The following ADAMTS18 variants were observed in gnomAD, a reference collection of about 807,000 sequenced individuals.
The protein encoded by ADAMTS18 is A disintegrin and metalloproteinase with thrombospondin motifs 18.
ADAMTS18 carries 157 observed loss-of-function variants against 165.9 expected under a neutral mutation model. The ratio of observed to expected loss-of-function variants is 0.95; its 90% CI spans 0.83 to 1.08. The LOEUF (loss-of-function observed/expected upper bound fraction) is 1.08, where lower values mean the gene tolerates loss of function less well. ADAMTS18 is among the 50% of genes least tolerant of loss of function. ADAMTS18 has a pLI of 0.00. For synonymous variants in ADAMTS18, 782 were observed against 578.2 expected, an observed-to-expected ratio of 1.35 and a Z score of -5.06; for missense variants, 2,040 against 1,534.0, an observed-to-expected ratio of 1.33 and a Z score of -5.51.
intron 3 of ADAMTS18, among the ~76,000 whole-genome samples, chr16:77,406,963 A>G (rs2144820113): frequency 6.6e-6 from 1 of 152,204 alleles, no homozygotes; most frequent in South Asian, 2.1e-4. Flanking sequence ...GAGAAGAGAA[A>G]GGGCTGAAAA....
intron 7 of ADAMTS18, among the ~76,000 whole-genome samples, chr16:77,361,682 G>A (rs769181422): frequency 5.9e-5 from 9 of 152,264 alleles, no homozygotes; most frequent in Middle Eastern, 3.4e-3. Context: ...TCAGGAGTTC[G>A]AGACCAGCCT....
chr16:77,364,096 A>G, intron 5 of ADAMTS18, 92 bp downstream of exon 5: 1 of 1,516,424 alleles, frequency 6.6e-7, no homozygotes, highest in Non-Finnish European at 9.2e-7. Flanking sequence ...ATTTGCACCG[A>G]CCTAATACAC....
At chr16:77,348,410 C>T (rs1408608037) in intron 10 of ADAMTS18, among the ~76,000 whole-genome samples, 3 of 152,204 alleles carry the variant, frequency 2.0e-5, no homozygotes, top group African/African-American at 7.2e-5. Flanking sequence ...AAACACAAGT[C>T]TCCCATCCGA....
At chr16:77,401,711 A>G (rs36069255) in intron 3 of ADAMTS18, among the ~76,000 whole-genome samples, 30,470 of 152,204 alleles carry the variant, frequency 0.2, 3,485 homozygotes, top group Non-Finnish European at 0.27. Context: ...TCAGTAGACT[A>G]AAGAGGATTC....
chr16:77,414,517 T>C (rs1416284591), intron 3 of ADAMTS18, among the ~76,000 whole-genome samples: 1 of 152,220 alleles, frequency 6.6e-6, no homozygotes, highest in African/African-American at 2.4e-5. Context: ...CTATTTCTTT[T>C]TGCTTTATTT....
intron 16 of ADAMTS18, among the ~76,000 whole-genome samples, chr16:77,303,383 A>G (rs1481632900): frequency 6.6e-6 from 1 of 152,206 alleles, no homozygotes; most frequent in Non-Finnish European, 1.5e-5. Flanking sequence ...GAGTATATCA[A>G]TGTCTAACTT....
chr16:77,335,243 A>C (rs1365322321), intron 12 of ADAMTS18, among the ~76,000 whole-genome samples: 7 of 151,098 alleles, frequency 4.6e-5, no homozygotes, highest in Non-Finnish European at 1.0e-4. Flanking sequence ...AGAAAGACAA[A>C]TATTGTATCT....
intron 3 of ADAMTS18, among the ~76,000 whole-genome samples, chr16:77,382,862 A>G (rs2057051682): frequency 6.6e-6 from 1 of 152,126 alleles, no homozygotes; most frequent in Non-Finnish European, 1.5e-5. Context: ...GTCTGCTAAT[A>G]ACACTCCTCT....
intron 21 of ADAMTS18, among the ~76,000 whole-genome samples, 166 bp downstream of exon 21, chr16:77,291,100 T>C (rs564217350): frequency 2.0e-5 from 3 of 151,900 alleles, no homozygotes; most frequent in South Asian, 4.2e-4. Context: ...TACAGATTGT[T>C]ACCTGCCCAG....
At chr16:77,312,284 T>A (rs531948164) in intron 16 of ADAMTS18, among the ~76,000 whole-genome samples, 9 of 152,230 alleles carry the variant, frequency 5.9e-5, no homozygotes, top group African/African-American at 2.2e-4. Context: ...TCGCCCAGGC[T>A]GGAGTGCAAT....
At chr16:77,378,366 C>G (rs1232110193) in intron 3 of ADAMTS18, among the ~76,000 whole-genome samples, 1 of 147,944 alleles carries the variant, frequency 6.8e-6, no homozygotes, top group East Asian at 2.0e-4. Context: ...AAAAAAAAAC[C>G]AAGCCCTTTA....
At chr16:77,334,399 T>G (rs530140005) in intron 12 of ADAMTS18, among the ~76,000 whole-genome samples, 2 of 111,096 alleles carry the variant, frequency 1.8e-5, no homozygotes, top group Non-Finnish European at 3.3e-5. Context: ...ATATATACTG[T>G]ATATTATAGT....
chr16:77,356,244 C>A (rs534694132), intron 8 of ADAMTS18, among the ~76,000 whole-genome samples, 167 bp from the exon 9 acceptor site: 1 of 152,268 alleles, frequency 6.6e-6, no homozygotes, highest in African/African-American at 2.4e-5. Flanking sequence ...TTATAAAATT[C>A]ACACAGAAAA....
chr16:77,362,396 A>G (rs2056729018), intron 6 of ADAMTS18, 132 bp from the exon 7 acceptor site: 1 of 945,108 alleles, frequency 1.1e-6, no homozygotes, highest in Non-Finnish European at 1.6e-6. Flanking sequence ...GAGCTAAGGT[A>G]GGAGACAGGA....
chr16:77,387,421 A>G (rs1292041533), intron 3 of ADAMTS18, among the ~76,000 whole-genome samples: 2 of 152,224 alleles, frequency 1.3e-5, no homozygotes, highest in African/African-American at 4.8e-5. Context: ...CTAGGCTTCC[A>G]GATTACCAAT....
At chr16:77,330,945 T>C (rs2056178877) in intron 12 of ADAMTS18, among the ~76,000 whole-genome samples, 1 of 152,284 alleles carries the variant, frequency 6.6e-6, no homozygotes, top group African/African-American at 2.4e-5. Flanking sequence ...AAAACAGCAT[T>C]ACTGCAACAG....
At chr16:77,318,358 A>G (rs1597115431) in intron 16 of ADAMTS18, among the ~76,000 whole-genome samples, 1 of 152,186 alleles carries the variant, frequency 6.6e-6, no homozygotes, top group Non-Finnish European at 1.5e-5. Context: ...CCTTGCCAGT[A>G]TTGGTGCTAT....
At chr16:77,413,322 C>T (rs899888194) in intron 3 of ADAMTS18, among the ~76,000 whole-genome samples, 11 of 152,184 alleles carry the variant, frequency 7.2e-5, no homozygotes, top group African/African-American at 2.4e-4. Flanking sequence ...CAGGCTCTAA[C>T]TCTCCAGCTA....
chr16:77,369,754 A>T (rs994085454), intron 3 of ADAMTS18, among the ~76,000 whole-genome samples: 4 of 152,212 alleles, frequency 2.6e-5, no homozygotes, highest in African/African-American at 9.6e-5. Flanking sequence ...CATGGCCTGC[A>T]TCACCCTGAT....
Sources: gnomAD v4.1 joint callset for allele counts (sites outside exome capture counted in the v4.1 genomes callset) on GRCh38, gnomAD v4.1.1 for gene constraint, MANE v1.5 for transcripts, NCBI Gene and HGNC (gene_info 2026-07-23, HGNC 2026-07-21) for gene names.